ARB2A: variants seen among roughly 807,000 people sequenced by gnomAD.
The protein encoded by ARB2A is ARB2 cotranscriptional regulator A, also known as cotranscriptional regulator ARB2A.
At chr5:93,744,434 C>CAAAAAAAAAAAAAA in the ARB2A span, among the ~76,000 whole-genome samples, 27 of 14,536 alleles carry the variant, frequency 1.9e-3, 7 homozygotes, top group African/African-American at 4.5e-3. Context: ...GACTCAGTCT[C>CAAAAAAAAAAAAAA]AAAAAAAAAA....
the ARB2A span, among the ~76,000 whole-genome samples, chr5:93,915,324 A>G: frequency 6.6e-6 from 1 of 151,862 alleles, no homozygotes; most frequent in African/African-American, 2.4e-5. Flanking sequence ...ACCATCAAAG[A>G]CAAGTTGCAT....
chr5:93,919,475 T>C, the ARB2A span, among the ~76,000 whole-genome samples: 1 of 152,162 alleles, frequency 6.6e-6, no homozygotes, highest in East Asian at 1.9e-4. Context: ...TTTTATTTCA[T>C]TGTAGAATAA....
At chr5:93,693,462 G>A in the ARB2A span, among the ~76,000 whole-genome samples, 3 of 152,058 alleles carry the variant, frequency 2.0e-5, no homozygotes, top group Admixed American at 2.0e-4. Context: ...AGAAGAAATG[G>A]ATAGATTCCT....
At chr5:93,805,053 A>C in the ARB2A span, 1 of 960,950 alleles carries the variant, frequency 1.0e-6, no homozygotes, top group African/African-American at 1.8e-5. Flanking sequence ...ATGCATTTTA[A>C]TATATAATTA....
At chr5:93,982,524 A>G in the ARB2A span, among the ~76,000 whole-genome samples, 6 of 152,196 alleles carry the variant, frequency 3.9e-5, no homozygotes, top group Non-Finnish European at 5.9e-5. Flanking sequence ...GCATGTGTCT[A>G]AACAGTCATG....
the ARB2A span, among the ~76,000 whole-genome samples, chr5:93,644,645 A>G: frequency 6.6e-6 from 1 of 152,192 alleles, no homozygotes. Flanking sequence ...AAATTTCTGC[A>G]GGGGTTTCCT....
chr5:93,996,519 C>T, the ARB2A span, among the ~76,000 whole-genome samples: 4 of 152,000 alleles, frequency 2.6e-5, no homozygotes, highest in African/African-American at 9.7e-5. Flanking sequence ...ATTATTGGTT[C>T]ACAAATCCAA....
At chr5:94,111,516 C>T in the ARB2A span, 3 of 152,372 alleles carry the variant, frequency 2.0e-5, no homozygotes, top group African/African-American at 7.2e-5. Context: ...CCTACCTGAG[C>T]TCTGCCCCCA....
chr5:93,792,616 A>AC, the ARB2A span, among the ~76,000 whole-genome samples: 1 of 148,150 alleles, frequency 6.7e-6, no homozygotes, highest in African/African-American at 2.5e-5. Context: ...AAAACCAAAC[A>AC]CGCATGTTCT....
chr5:94,043,685 A>T, the ARB2A span, among the ~76,000 whole-genome samples: 159 of 152,302 alleles, frequency 1.0e-3, 1 homozygote, highest in African/African-American at 3.4e-3. Context: ...GTCACTTTCT[A>T]ACAGGTCCAG....
At chr5:93,638,056 AG>A in the ARB2A span, among the ~76,000 whole-genome samples, 1 of 152,258 alleles carries the variant, frequency 6.6e-6, no homozygotes, top group South Asian at 2.1e-4. Context: ...TGTTGCTGGA[AG>A]AAGACAGAGG....
the ARB2A span, among the ~76,000 whole-genome samples, chr5:93,855,693 T>G: frequency 7.9e-5 from 12 of 152,152 alleles, no homozygotes; most frequent in Admixed American, 3.3e-4. Flanking sequence ...CTCTGTAAAG[T>G]ATTTTATTTC....
chr5:94,103,559 C>T, the ARB2A span, among the ~76,000 whole-genome samples: 4 of 152,068 alleles, frequency 2.6e-5, no homozygotes, highest in East Asian at 5.8e-4. Context: ...GATAACCACA[C>T]GATAATAGTG....
chr5:93,661,220 A>G, the ARB2A span, among the ~76,000 whole-genome samples: 1 of 152,158 alleles, frequency 6.6e-6, no homozygotes, highest in Non-Finnish European at 1.5e-5. Flanking sequence ...AATACAGAGT[A>G]CTATGGGAGC....
the ARB2A span, among the ~76,000 whole-genome samples, chr5:94,059,829 A>G: frequency 6.6e-6 from 1 of 151,882 alleles, no homozygotes; most frequent in Admixed American, 6.5e-5. Context: ...TTTTTTTCAG[A>G]CACAAAAAAG....
chr5:94,000,099 G>C, the ARB2A span, among the ~76,000 whole-genome samples: 4 of 152,084 alleles, frequency 2.6e-5, no homozygotes, highest in African/African-American at 9.6e-5. Flanking sequence ...CCAAGTTTTG[G>C]CAATTATGAA....
chr5:93,759,997 C>G, the ARB2A span, among the ~76,000 whole-genome samples: 1 of 152,132 alleles, frequency 6.6e-6, no homozygotes, highest in African/African-American at 2.4e-5. Flanking sequence ...CTTGAAAACC[C>G]TGAAAAGTTC....
the ARB2A span, among the ~76,000 whole-genome samples, chr5:93,722,356 G>T: frequency 2.0e-5 from 3 of 152,032 alleles, no homozygotes; most frequent in South Asian, 6.2e-4. Context: ...GTTTAGTTAT[G>T]GGACCTACTC....
the ARB2A span, among the ~76,000 whole-genome samples, chr5:93,664,472 A>C: frequency 6.6e-6 from 1 of 151,708 alleles, no homozygotes; most frequent in African/African-American, 2.4e-5. Context: ...TCTACTAAAA[A>C]CACAAAAAAT....
Sources: allele counts gnomAD v4.1 joint callset (sites outside exome capture counted in the v4.1 genomes callset), GRCh38; gene constraint gnomAD v4.1.1; transcripts MANE v1.5; gene names NCBI Gene and HGNC (gene_info 2026-07-23, HGNC 2026-07-21).